The following SLC26A7 variants were observed in gnomAD, a reference collection of about 807,000 sequenced individuals.
SLC26A7 encodes anion exchange transporter.
Under a neutral mutation model 82.5 loss-of-function variants are expected in SLC26A7, and 59 were observed. That is an observed-to-expected ratio of 0.72 (90% confidence interval 0.58 to 0.89). The LOEUF (loss-of-function observed/expected upper bound fraction) is 0.89, where lower values mean the gene tolerates loss of function less well. Among genes scored for constraint, SLC26A7 ranks in the 40% least tolerant of loss-of-function variants. The probability of loss-of-function intolerance (pLI) is 0.00; values close to 1 mark genes in which losing one functional copy is unlikely to be tolerated. For missense variants in SLC26A7, 820 were observed against 793.0 expected, an observed-to-expected ratio of 1.03 and a Z score of -0.41; for synonymous variants, 271 against 274.3, an observed-to-expected ratio of 0.99 and a Z score of 0.12.
intron 2 of SLC26A7, among the ~76,000 whole-genome samples, chr8:91,232,405 C>T (rs1185166357): frequency 6.6e-6 from 1 of 152,162 alleles, no homozygotes; most frequent in Non-Finnish European, 1.5e-5. Context: ...CTTCACTTTC[C>T]ATGAAAGGGA....
At chr8:91,335,363 T>G (rs1563685291) in intron 6 of SLC26A7, among the ~76,000 whole-genome samples, 1 of 152,178 alleles carries the variant, frequency 6.6e-6, no homozygotes. Flanking sequence ...ATACTCTTGA[T>G]AATTTGAGAT....
chr8:91,305,876 A>T (rs943484639), intron 4 of SLC26A7, among the ~76,000 whole-genome samples: 2 of 152,024 alleles, frequency 1.3e-5, no homozygotes, highest in African/African-American at 4.8e-5. Context: ...TTCCTGTTAT[A>T]CCAACACTTT....
chr8:91,322,288 C>G (rs1003573557), intron 5 of SLC26A7, among the ~76,000 whole-genome samples: 11 of 151,986 alleles, frequency 7.2e-5, no homozygotes, highest in African/African-American at 2.7e-4. Flanking sequence ...TTCAACAGTT[C>G]AACTCAAATC....
rs763426816 is a variant in SLC26A7 at position 91,363,532 on chromosome 8, G to A, written c.1482G>A (p.Met494Ile). 2 of 1,491,366 alleles carry A rather than the reference G, an allele frequency of 1.3e-6. No individual in the cohort carries two copies. Among genetic ancestry groups the A allele is most frequent in the Admixed American group, 3.7e-5 (2 of 54,500 alleles). The allele number at this position is 1,491,366 out of a possible 1,614,324, so 92.4% of individuals were successfully genotyped here. The stretch of plus-strand genomic sequence containing the variant: ...TGGAATTTAAAGTGAAGACAGAAAT[G>A]GACAGTGTAAGTTTAGTTTTATTTT... ...KEMEFKVKTE[M>I]DSETLQQVKI... The change falls in exon 13 of 19, where the codon ATG becomes ATA. Residue 494 changes from methionine to isoleucine, a missense_variant. By Grantham distance (10) the Met-to-Ile change is conservative. Coordinates refer to ENST00000276609, the MANE Select transcript of SLC26A7 (RefSeq NM_052832.4).
At chr8:91,331,316 T>C (rs977370904) in intron 5 of SLC26A7, among the ~76,000 whole-genome samples, 2 of 152,142 alleles carry the variant, frequency 1.3e-5, no homozygotes, top group African/African-American at 4.8e-5. Flanking sequence ...TCTTTCCATG[T>C]CAATAAATGT....
At chr8:91,372,335 A>C (rs987491413) in intron 15 of SLC26A7, among the ~76,000 whole-genome samples, 1 of 151,906 alleles carries the variant, frequency 6.6e-6, no homozygotes, top group African/African-American at 2.4e-5. Flanking sequence ...AGTTTTTCCT[A>C]GGTTTTCTTC....
At chr8:91,362,176 G>A (rs1259000773) in intron 11 of SLC26A7, among the ~76,000 whole-genome samples, 177 bp from the exon 12 acceptor site, 3 of 152,050 alleles carry the variant, frequency 2.0e-5, no homozygotes, top group Non-Finnish European at 2.9e-5. Context: ...AGAGTCTGAT[G>A]GAGCAGGATT....
intron 14 of SLC26A7, among the ~76,000 whole-genome samples, chr8:91,369,390 C>A (rs1814290469): frequency 6.7e-6 from 1 of 149,814 alleles, no homozygotes; most frequent in African/African-American, 2.5e-5. Flanking sequence ...TTTAATCCAG[C>A]ATTTTCATGT....
intron 7 of SLC26A7, among the ~76,000 whole-genome samples, chr8:91,339,661 T>TTTATTTATTTAA (rs1554611068): frequency 2.1e-5 from 3 of 146,334 alleles, no homozygotes; most frequent in African/African-American, 7.3e-5. Flanking sequence ...TATTTATTTA[T>TTTATTTATTTAA]TTAATTTATT....
intron 14 of SLC26A7, 43 bp downstream of exon 14, chr8:91,366,760 C>T (rs1392066973): frequency 6.4e-7 from 1 of 1,570,382 alleles, no homozygotes; most frequent in Admixed American, 2.0e-5. Context: ...TACATGTAGC[C>T]TTATATCATG....
chr8:91,221,483 T>C (rs1810159474), intron 2 of SLC26A7, among the ~76,000 whole-genome samples: 1 of 152,258 alleles, frequency 6.6e-6, no homozygotes, highest in Non-Finnish European at 1.5e-5. Flanking sequence ...CTAGGTTTTC[T>C]TCTGGGGTTT....
chr8:91,390,267 C>A (rs1468979855), intron 16 of SLC26A7, among the ~76,000 whole-genome samples: 2 of 152,064 alleles, frequency 1.3e-5, no homozygotes, highest in Non-Finnish European at 2.9e-5. Context: ...CAGGCACCTG[C>A]CACCACGCCC....
At position 91,362,408 on chromosome 8, in the gene SLC26A7, T is replaced by G. The variant is rs1814074863; in HGVS notation, c.1370T>G (p.Leu457Arg). ...FTICFAANVG[L>R]LFGVVCTIAI... ...ATATGCTTTGCTGCCAATGTGGGAC[T>G]GCTGTTTGGTGTTGTTTGTACCATA... Residue 457 changes from leucine (L) to arginine (R), a missense_variant, in exon 12 of 19, where the codon CTG (leucine) becomes CGG (arginine). Coordinates refer to ENST00000276609, the MANE Select transcript of SLC26A7 (RefSeq NM_052832.4). The G allele has an allele frequency of 6.2e-7, 1 of 1,613,318 alleles. No homozygotes were observed. The highest frequency in any genetic ancestry group is 1.3e-5 in the African/African-American group (1 of 74,896).
intron 2 of SLC26A7, among the ~76,000 whole-genome samples, chr8:91,220,883 G>A (rs1243565733): frequency 1.3e-5 from 2 of 152,112 alleles, no homozygotes; most frequent in Admixed American, 1.3e-4. Context: ...TGGGATTGCT[G>A]GGTCAAATGG....
At chr8:91,298,662 A>G (rs1224341939) in intron 4 of SLC26A7, among the ~76,000 whole-genome samples, 2 of 152,188 alleles carry the variant, frequency 1.3e-5, no homozygotes, top group Non-Finnish European at 2.9e-5. Context: ...CTAGGTAATA[A>G]TGATTTTAAA....
At chr8:91,364,266 G>A (rs1481495179) in intron 13 of SLC26A7, among the ~76,000 whole-genome samples, 4 of 151,926 alleles carry the variant, frequency 2.6e-5, no homozygotes, top group South Asian at 2.1e-4. Context: ...ACCTTTTTCC[G>A]TTTATTTTTC....
chr8:91,388,761 G>T (rs1309150202), intron 15 of SLC26A7, among the ~76,000 whole-genome samples: 2 of 152,106 alleles, frequency 1.3e-5, no homozygotes, highest in African/African-American at 4.8e-5. Context: ...TCATCAGGTA[G>T]ATTCAGAGGC....
intron 2 of SLC26A7, among the ~76,000 whole-genome samples, chr8:91,274,323 T>C (rs1370940110): frequency 6.6e-6 from 1 of 152,272 alleles, no homozygotes; most frequent in Admixed American, 6.5e-5. Context: ...AATAAAATGC[T>C]GAGGCTGGAT....
rs58981485 is a variant in SLC26A7, at chr8:91,316,451, A to ATTTT, written c.478-1729_478-1726dup. Among the ~76,000 whole-genome samples, 14 of 34,424 alleles carry ATTTT rather than the reference A, an allele frequency of 4.1e-4. 3 individuals are homozygous for ATTTT. The highest frequency in any genetic ancestry group is 4.5e-4 in the African/African-American group (4 of 8,984). 22.6% of individuals were successfully genotyped at this position (34,424 alleles called of 152,430 possible). A position where few individuals can be genotyped will look rare whatever the true frequency, so the allele number is the denominator to read the frequency against. On this transcript the variant is annotated intron_variant, in intron 4 of 18. Coordinates refer to ENST00000276609, the MANE Select transcript of SLC26A7 (RefSeq NM_052832.4). ...GAACTCGCTGCCACACTCAACACTA[A>ATTTT]TTTTTTTTTTTTTTTTTTTTTTTTT...
Sources: gnomAD v4.1 joint callset for allele counts (sites outside exome capture counted in the v4.1 genomes callset) on GRCh38, gnomAD v4.1.1 for gene constraint, MANE v1.5 for transcripts, NCBI Gene and HGNC (gene_info 2026-07-23, HGNC 2026-07-21) for gene names.